ASCC3: variants seen among roughly 807,000 people sequenced by gnomAD.
The protein encoded by ASCC3 is ASC-1 complex subunit P200.
ASCC3 carries 158 observed loss-of-function variants against 256.3 expected under a neutral mutation model. The observed-to-expected ratio is 0.62, with a 90% CI of 0.54 to 0.70. The LOEUF (loss-of-function observed/expected upper bound fraction) is 0.70. Ranked by LOEUF, ASCC3 falls within the 30% of genes least tolerant of loss-of-function variation. The pLI, the probability that ASCC3 is intolerant of heterozygous loss-of-function variation, is 0.00. For missense variants in ASCC3, 2,259 were observed against 2,626.0 expected, an observed-to-expected ratio of 0.86 and a Z score of 3.05; for synonymous variants, 948 against 883.4, an observed-to-expected ratio of 1.07 and a Z score of -1.30.
intron 8 of ASCC3, among the ~76,000 whole-genome samples, chr6:100,781,771 A>G (rs1405162868): frequency 6.6e-6 from 1 of 151,996 alleles, no homozygotes; most frequent in Non-Finnish European, 1.5e-5. Flanking sequence ...ACTAAGCACT[A>G]AAAACTCTAA....
intron 34 of ASCC3, among the ~76,000 whole-genome samples, chr6:100,594,052 T>C (rs1772146873): frequency 6.6e-6 from 1 of 152,068 alleles, no homozygotes; most frequent in Admixed American, 6.6e-5. Flanking sequence ...AATAGACATA[T>C]AGTGACCAAC....
At chr6:100,569,797 A>G (rs1047438631) in intron 36 of ASCC3, among the ~76,000 whole-genome samples, 1 of 152,202 alleles carries the variant, frequency 6.6e-6, no homozygotes, top group Non-Finnish European at 1.5e-5. Flanking sequence ...ATTTTAAAAT[A>G]GGTTTTCCCA....
In ASCC3 at chr6:100,607,483, GA is replaced by G. The variant is rs142722805; in HGVS notation, c.4786-396del. On this transcript the variant is annotated intron_variant, in intron 30 of 41. Coordinates refer to ENST00000369162, the MANE Select transcript of ASCC3 (RefSeq NM_006828.4). ...TAAAAATACAGACCAAAAAATAGTG[GA>G]AAAAAAAAATCAGCCATAATCCTTG... Among the ~76,000 whole-genome samples the G allele has an allele frequency of 0.014, 2,062 of 148,126 alleles. 86 individuals are homozygous for G. In the East Asian group the frequency reaches 0.15, roughly 11 times the overall value.
intron 4 of ASCC3, among the ~76,000 whole-genome samples, chr6:100,843,257 C>A (rs1336565967): frequency 6.6e-6 from 1 of 152,134 alleles, no homozygotes; most frequent in Non-Finnish European, 1.5e-5. Context: ...AATACACAGT[C>A]TTCCCTCAGA....
chr6:100,513,142 G>A (rs1223159700), intron 39 of ASCC3, among the ~76,000 whole-genome samples: 2 of 152,034 alleles, frequency 1.3e-5, no homozygotes, highest in African/African-American at 4.8e-5. Context: ...TTACTACTAG[G>A]ATATTGACAT....
intron 4 of ASCC3, among the ~76,000 whole-genome samples, chr6:100,829,916 C>G (rs1771538722): frequency 6.6e-6 from 1 of 152,002 alleles, no homozygotes; most frequent in African/African-American, 2.4e-5. Context: ...TGAACACAGT[C>G]ACTGTGATAC....
At chr6:100,678,440 TTG>T (rs142237086) in intron 14 of ASCC3, among the ~76,000 whole-genome samples, 2,166 of 152,140 alleles carry the variant, frequency 0.014, 42 homozygotes, top group African/African-American at 0.05. Context: ...TGAATAAATT[TTG>T]TGTTTCTAAA....
chr6:100,522,633 C>T (rs1184201018), intron 37 of ASCC3, among the ~76,000 whole-genome samples: 1 of 151,824 alleles, frequency 6.6e-6, no homozygotes, highest in Non-Finnish European at 1.5e-5. Context: ...GAGATGACAT[C>T]TGGAAAGGGA....
intron 36 of ASCC3, among the ~76,000 whole-genome samples, chr6:100,560,380 T>C (rs2114703032): frequency 6.6e-6 from 1 of 152,262 alleles, no homozygotes; most frequent in African/African-American, 2.4e-5. Flanking sequence ...TATTTATACA[T>C]CTAACAGAGC....
chr6:100,843,797 T>C (rs972769694), intron 4 of ASCC3, among the ~76,000 whole-genome samples: 2 of 152,088 alleles, frequency 1.3e-5, no homozygotes, highest in African/African-American at 4.8e-5. Flanking sequence ...AAGACCTCGC[T>C]TTTAAATATC....
chr6:100,642,777 T>C, intron 23 of ASCC3, 28 bp from the exon 24 acceptor site: 1 of 1,579,892 alleles, frequency 6.3e-7, no homozygotes, highest in Non-Finnish European at 8.7e-7. Context: ...CAAAAATAAA[T>C]ATGGATATTC....
intron 13 of ASCC3, among the ~76,000 whole-genome samples, chr6:100,696,872 A>G (rs531231953): frequency 6.6e-6 from 1 of 152,186 alleles, no homozygotes; most frequent in African/African-American, 2.4e-5. Flanking sequence ...TATATTATTT[A>G]ATTTGACAAT....
chr6:100,743,048 C>T (rs1780510131), intron 10 of ASCC3, among the ~76,000 whole-genome samples: 1 of 152,202 alleles, frequency 6.6e-6, no homozygotes, highest in Admixed American at 6.5e-5. Context: ...CTCTGCACAG[C>T]TCTGTGTATC....
chr6:100,595,202 T>A (rs1352789989), intron 34 of ASCC3, among the ~76,000 whole-genome samples: 2 of 152,178 alleles, frequency 1.3e-5, no homozygotes, highest in African/African-American at 4.8e-5. Context: ...AAAGAGTAGA[T>A]GTTCTTGCTA....
intron 13 of ASCC3, among the ~76,000 whole-genome samples, chr6:100,705,790 T>C (rs1168689473): frequency 7.9e-5 from 12 of 152,024 alleles, no homozygotes; most frequent in South Asian, 4.2e-4. Flanking sequence ...ATTTGAAAAA[T>C]AACAGTTTAC....
chr6:100,693,043 G>A (rs1777910559), intron 13 of ASCC3, among the ~76,000 whole-genome samples: 1 of 151,834 alleles, frequency 6.6e-6, no homozygotes, highest in South Asian at 2.1e-4. Flanking sequence ...TAACTCAACA[G>A]TATTTTGGCA....
At chr6:100,830,232 G>A (rs1298053015) in intron 4 of ASCC3, among the ~76,000 whole-genome samples, 4 of 151,658 alleles carry the variant, frequency 2.6e-5, no homozygotes, top group African/African-American at 9.7e-5. Context: ...GTTAAGAAAA[G>A]GAATAGCAAC....
intron 8 of ASCC3, among the ~76,000 whole-genome samples, chr6:100,791,549 T>C (rs1156486183): frequency 1.3e-5 from 2 of 151,960 alleles, no homozygotes; most frequent in Admixed American, 6.6e-5. Flanking sequence ...TGAAGATCAA[T>C]GCCCACAGAC....
At chr6:100,583,426 T>C (rs1330547935) in intron 36 of ASCC3, among the ~76,000 whole-genome samples, 2 of 152,218 alleles carry the variant, frequency 1.3e-5, no homozygotes, top group Non-Finnish European at 2.9e-5. Flanking sequence ...GTGGGATCGG[T>C]GGTGATATCC....
Sources: gnomAD v4.1 joint callset for allele counts (sites outside exome capture counted in the v4.1 genomes callset) on GRCh38, gnomAD v4.1.1 for gene constraint, MANE v1.5 for transcripts, NCBI Gene and HGNC (gene_info 2026-07-23, HGNC 2026-07-21) for gene names.